The following TBC1D5 variants were observed in gnomAD, a reference collection of about 807,000 sequenced individuals.
The protein encoded by TBC1D5 is TBC1 domain family, member 5.
In TBC1D5, 75 loss-of-function variants were observed where a neutral mutation model predicts 100.3. The observed-to-expected ratio is 0.75, with a 90% CI of 0.62 to 0.91. TBC1D5 has a LOEUF of 0.91. TBC1D5 is among the 40% of genes least tolerant of loss of function. The pLI is 0.00. For missense variants in TBC1D5, 910 were observed against 942.4 expected (o/e 0.97, Z 0.45); for synonymous variants, 323 against 325.6 (o/e 0.99, Z 0.09).
intron 17 of TBC1D5, among the ~76,000 whole-genome samples, chr3:17,228,442 G>C (rs1201597279): frequency 6.6e-6 from 1 of 152,176 alleles, no homozygotes; most frequent in Non-Finnish European, 1.5e-5. Context: ...AGAGCACATA[G>C]TTTAAAATGC....
At chr3:17,536,400 T>C (rs933527373) in intron 2 of TBC1D5, among the ~76,000 whole-genome samples, 1 of 152,208 alleles carries the variant, frequency 6.6e-6, no homozygotes, top group East Asian at 1.9e-4. Context: ...AATACACATA[T>C]TTACCAACTT....
At chr3:17,554,997 G>A (rs1332883374) in intron 2 of TBC1D5, among the ~76,000 whole-genome samples, 2 of 152,012 alleles carry the variant, frequency 1.3e-5, no homozygotes, top group Non-Finnish European at 2.9e-5. Context: ...TTACAGGCAC[G>A]TGCCACCACG....
chr3:17,415,895 A>T (rs2094054891), intron 4 of TBC1D5, among the ~76,000 whole-genome samples: 1 of 152,190 alleles, frequency 6.6e-6, no homozygotes, highest in South Asian at 2.1e-4. Flanking sequence ...AATAACTGGC[A>T]AGGGCTTGAT....
At chr3:17,285,059 TAA>T (rs879589846) in intron 15 of TBC1D5, among the ~76,000 whole-genome samples, 27 of 136,590 alleles carry the variant, frequency 2.0e-4, no homozygotes, top group Admixed American at 2.2e-4. Context: ...GTTTTGGGAG[TAA>T]AAAAAAAAAA....
At chr3:17,339,681 C>T (rs766789905) in intron 13 of TBC1D5, among the ~76,000 whole-genome samples, 59 of 152,158 alleles carry the variant, frequency 3.9e-4, no homozygotes, top group Non-Finnish European at 6.2e-4. Flanking sequence ...TACATATGTA[C>T]ACACACATGC....
chr3:17,529,488 G>GT (rs2096187953), intron 2 of TBC1D5, among the ~76,000 whole-genome samples: 2 of 152,008 alleles, frequency 1.3e-5, no homozygotes, highest in South Asian at 4.2e-4. Context: ...AATTATACAT[G>GT]TAAGAGAAAG....
At chr3:17,253,124 T>C (rs1383689534) in intron 16 of TBC1D5, among the ~76,000 whole-genome samples, 1 of 152,342 alleles carries the variant, frequency 6.6e-6, no homozygotes, top group South Asian at 2.1e-4. Flanking sequence ...TTCCATTTTA[T>C]ATGGTAAGAT....
chr3:17,740,911 T>C (rs1223812361), upstream of TBC1D5: 1 of 152,198 alleles, frequency 6.6e-6, no homozygotes, highest in Admixed American at 6.5e-5. Flanking sequence ...GCAGTCACCA[T>C]ACAGCATACA....
chr3:17,229,672 A>T (rs1485658285), intron 17 of TBC1D5, among the ~76,000 whole-genome samples: 1 of 152,082 alleles, frequency 6.6e-6, no homozygotes, highest in Non-Finnish European at 1.5e-5. Context: ...AGCTGCTCTT[A>T]TTCTCTCTTT....
At chr3:17,656,023 T>C (rs1364613806) in intron 1 of TBC1D5, among the ~76,000 whole-genome samples, 1 of 152,254 alleles carries the variant, frequency 6.6e-6, no homozygotes, top group East Asian at 1.9e-4. Context: ...ACAGCTATTA[T>C]GCAGCAAATG....
chr3:17,271,000 C>T (rs888451174), intron 15 of TBC1D5, among the ~76,000 whole-genome samples: 1 of 152,136 alleles, frequency 6.6e-6, no homozygotes, highest in African/African-American at 2.4e-5. Flanking sequence ...CAGTACCATG[C>T]TGTTATGCTT....
At chr3:17,180,916 C>CAAA (rs76797012) in intron 19 of TBC1D5, among the ~76,000 whole-genome samples, 28 of 96,176 alleles carry the variant, frequency 2.9e-4, no homozygotes, top group African/African-American at 5.0e-4. Flanking sequence ...ACATTTACAC[C>CAAA]AAAAAAAAAA....
intron 7 of TBC1D5, among the ~76,000 whole-genome samples, chr3:17,403,929 T>G (rs1385504004): frequency 6.6e-6 from 1 of 152,154 alleles, no homozygotes; most frequent in Non-Finnish European, 1.5e-5. Flanking sequence ...GTCCGCAGCT[T>G]GAACCTGACC....
chr3:17,593,819 C>A (rs1273537147), intron 2 of TBC1D5, among the ~76,000 whole-genome samples: 1 of 152,168 alleles, frequency 6.6e-6, no homozygotes, highest in African/African-American at 2.4e-5. Context: ...ACAATTACAA[C>A]GCCAACTAGG....
chr3:17,651,364 A>G (rs947959635), intron 1 of TBC1D5, among the ~76,000 whole-genome samples: 1 of 152,222 alleles, frequency 6.6e-6, no homozygotes, highest in African/African-American at 2.4e-5. Flanking sequence ...CTTTCGATGT[A>G]TCTAACATAA....
At chr3:17,404,695 C>T in exon 7 of TBC1D5, 1 of 1,603,020 alleles carries the variant, frequency 6.2e-7, no homozygotes, top group Non-Finnish European at 8.5e-7. Flanking sequence ...GAACTTTACC[C>T]CTTCATCCTG....
intron 2 of TBC1D5, among the ~76,000 whole-genome samples, chr3:17,562,745 C>A (rs1024033805): frequency 5.9e-5 from 9 of 152,142 alleles, no homozygotes; most frequent in African/African-American, 2.2e-4. Flanking sequence ...TCAAGATGCA[C>A]AACATATTCC....
At chr3:17,439,474 T>C (rs925715137) in intron 3 of TBC1D5, among the ~76,000 whole-genome samples, 1 of 152,182 alleles carries the variant, frequency 6.6e-6, no homozygotes, top group African/African-American at 2.4e-5. Flanking sequence ...TTTAGTCTTA[T>C]AAAAGATTTA....
chr3:17,261,093 C>A (rs1346437647), intron 15 of TBC1D5, among the ~76,000 whole-genome samples: 1 of 152,154 alleles, frequency 6.6e-6, no homozygotes, highest in Non-Finnish European at 1.5e-5. Context: ...AACATCTAGA[C>A]ATGAACAATA....
Sources: allele counts gnomAD v4.1 joint callset (sites outside exome capture counted in the v4.1 genomes callset), GRCh38; gene constraint gnomAD v4.1.1; transcripts MANE v1.5; gene names NCBI Gene and HGNC (gene_info 2026-07-23, HGNC 2026-07-21).